The following RAB30 variants were observed in gnomAD, a reference collection of about 807,000 sequenced individuals.
The protein encoded by RAB30 is RAB30, member RAS oncogene family.
RAB30 carries 9 observed loss-of-function variants against 25.1 expected under a neutral mutation model. The observed-to-expected ratio is 0.36, with a 90% CI of 0.22 to 0.63. The LOEUF (loss-of-function observed/expected upper bound fraction) is 0.63. Ranked by LOEUF, RAB30 falls within the 20% of genes least tolerant of loss-of-function variation. RAB30 has a pLI of 0.69. For missense variants in RAB30, 140 were observed against 243.5 expected (o/e 0.58, Z 2.83); for synonymous variants, 77 against 86.4 (o/e 0.89, Z 0.60).
intron 1 of RAB30, among the ~76,000 whole-genome samples, chr11:83,024,955 C>T (rs922931173): frequency 3.3e-5 from 5 of 152,198 alleles, no homozygotes; most frequent in Admixed American, 6.5e-5. Context: ...TCTGAGGTGT[C>T]TTGAAGTAGG....
rs1856500242 is a variant in RAB30, at chr11:82,974,053, A to T, written c.*8112T>A. ...TGAAATGTCCAGGATAGGCAAATTCATAGGGACAGAAAGTAGATTAGTGGT... is the reference window on the plus strand; with the variant it reads ...TGAAATGTCCAGGATAGGCAAATTCTTAGGGACAGAAAGTAGATTAGTGGT... On this transcript the variant is annotated 3_prime_UTR_variant, in exon 5 of 5. Coordinates refer to ENST00000527633, the MANE Select transcript of RAB30 (RefSeq NM_001286060.2). The T allele has an allele frequency of 6.6e-6, 1 of 152,220 alleles. No homozygotes were observed. The highest frequency in any genetic ancestry group is 2.4e-5 in the African/African-American group (1 of 41,446). 9.4% of individuals were successfully genotyped at this position (152,220 alleles called of 1,614,324 possible). A position where few individuals can be genotyped will look rare whatever the true frequency, so the allele number is the denominator to read the frequency against.
rs1004520020 is a variant in RAB30 at position 83,025,711 on chromosome 11, T to C, written c.-8-28387A>G. Among the ~76,000 whole-genome samples the C allele has an allele frequency of 3.3e-5, 5 of 152,334 alleles. No individual in the cohort carries two copies. The South Asian group carries it at 8.3e-4, about 25-fold the overall frequency. ...GCAGCAAAGTGCAAGCAAACACTTC[T>C]ATAATAAGAGGGGAGTACACAGAAG... On this transcript the variant is annotated intron_variant, in intron 1 of 4. Coordinates refer to ENST00000527633, the MANE Select transcript of RAB30 (RefSeq NM_001286060.2).
intron 1 of RAB30, among the ~76,000 whole-genome samples, chr11:83,044,244 T>C (rs1325249185): frequency 6.6e-6 from 1 of 152,216 alleles, no homozygotes; most frequent in Non-Finnish European, 1.5e-5. Context: ...CCCTAAAGAA[T>C]CTTACCAATA....
chr11:83,064,941 A>T (rs562237527), intron 1 of RAB30, among the ~76,000 whole-genome samples: 1 of 151,928 alleles, frequency 6.6e-6, no homozygotes, highest in African/African-American at 2.4e-5. Flanking sequence ...TTTGGTTGTC[A>T]TATCTCTTTA....
chr11:83,019,570 T>C (rs946189052), intron 1 of RAB30, among the ~76,000 whole-genome samples: 1 of 152,130 alleles, frequency 6.6e-6, no homozygotes, highest in African/African-American at 2.4e-5. Context: ...TGTTCCAGTT[T>C]GCTTCTTCCT....
intron 1 of RAB30, among the ~76,000 whole-genome samples, chr11:83,038,510 C>T (rs1858035461): frequency 1.3e-5 from 2 of 151,998 alleles, no homozygotes; most frequent in Admixed American, 1.3e-4. Flanking sequence ...AGCCTTATGC[C>T]TGATACATTC....
intron 1 of RAB30, among the ~76,000 whole-genome samples, chr11:83,048,014 T>C (rs1372738186): frequency 6.6e-6 from 1 of 152,114 alleles, no homozygotes; most frequent in African/African-American, 2.4e-5. Flanking sequence ...CTTTGGGAGA[T>C]AAGAGGATGG....
chr11:82,986,363 TTG>T (rs1446665383), intron 4 of RAB30, among the ~76,000 whole-genome samples: 4 of 152,192 alleles, frequency 2.6e-5, no homozygotes, highest in Non-Finnish European at 4.4e-5. Context: ...CATAGTAAAA[TTG>T]TGTTTTAAGC....
At chr11:83,050,199 T>C (rs986466242) in intron 1 of RAB30, among the ~76,000 whole-genome samples, 18 of 151,844 alleles carry the variant, frequency 1.2e-4, no homozygotes, top group African/African-American at 4.4e-4. Context: ...GAGGCTGCCC[T>C]GAGACATGAT....
At chr11:83,017,625 C>T (rs115926372) in intron 1 of RAB30, among the ~76,000 whole-genome samples, 8 of 152,020 alleles carry the variant, frequency 5.3e-5, no homozygotes, top group East Asian at 1.9e-4. Context: ...TGAGAACATA[C>T]GATATTTAAT....
At chr11:83,070,421 G>A (rs1298453260) in intron 1 of RAB30, among the ~76,000 whole-genome samples, 2 of 152,238 alleles carry the variant, frequency 1.3e-5, no homozygotes, top group Non-Finnish European at 2.9e-5. Context: ...AGCAGCAGAA[G>A]ACAGCCAGTA....
intron 1 of RAB30, among the ~76,000 whole-genome samples, chr11:83,038,279 C>T (rs911606473): frequency 2.0e-5 from 3 of 152,164 alleles, no homozygotes; most frequent in African/African-American, 7.2e-5. Context: ...ATTTTAGTCA[C>T]TATAAAGTGA....
At chr11:83,014,851 GA>G (rs1282558327) in intron 1 of RAB30, among the ~76,000 whole-genome samples, 5 of 151,454 alleles carry the variant, frequency 3.3e-5, no homozygotes, top group Non-Finnish European at 7.4e-5. Flanking sequence ...AGGAAAGGAA[GA>G]AAAGAAAGAG....
chr11:83,048,239 A>G (rs1858275859), intron 1 of RAB30, among the ~76,000 whole-genome samples: 1 of 152,128 alleles, frequency 6.6e-6, no homozygotes. Context: ...CCCAGCACTT[A>G]GAGGCTGAGG....
At chr11:82,996,571 A>G (rs1202633318) in intron 2 of RAB30, among the ~76,000 whole-genome samples, 1 of 152,244 alleles carries the variant, frequency 6.6e-6, no homozygotes, top group Non-Finnish European at 1.5e-5. Flanking sequence ...TGATTTCTAT[A>G]TAAAAGCAGT....
At chr11:83,013,005 T>A (rs559478222) in intron 1 of RAB30, among the ~76,000 whole-genome samples, 2 of 152,292 alleles carry the variant, frequency 1.3e-5, no homozygotes, top group African/African-American at 4.8e-5. Context: ...CCCTGTGAAT[T>A]GGTCACTCTC....
Position 83,068,172 on chromosome 11 carries a change from C to T in RAB30, c.-9+3519G>A, listed in dbSNP as rs115943452. 2.0e-3 allele frequency among the ~76,000 whole-genome samples: 301 copies of T among 151,426 alleles called. 3 individuals are homozygous for T. The highest frequency in any genetic ancestry group is 6.7e-3 in the African/African-American group (278 of 41,252). ...CGTTAGCTGAGCATGGTGGCGGGCA[C>T]CTGTAATCCCAGACAATAGGGAGGC... On this transcript the variant is annotated intron_variant, in intron 1 of 4. Coordinates refer to ENST00000527633, the MANE Select transcript of RAB30 (RefSeq NM_001286060.2).
chr11:83,059,275 T>C (rs1424421925), intron 1 of RAB30, among the ~76,000 whole-genome samples: 2 of 152,196 alleles, frequency 1.3e-5, no homozygotes, highest in Non-Finnish European at 2.9e-5. Context: ...AAATCGAATA[T>C]ATTTTCTTAT....
intron 1 of RAB30, among the ~76,000 whole-genome samples, chr11:83,067,411 A>G (rs1218080113): frequency 1.3e-5 from 2 of 152,204 alleles, no homozygotes; most frequent in African/African-American, 2.4e-5. Context: ...AGCAGTGTCC[A>G]GTGTGAGAAA....
Sources: gnomAD v4.1 joint callset for allele counts (sites outside exome capture counted in the v4.1 genomes callset) on GRCh38, gnomAD v4.1.1 for gene constraint, MANE v1.5 for transcripts, NCBI Gene and HGNC (gene_info 2026-07-23, HGNC 2026-07-21) for gene names.